The following ALG14 variants were observed in gnomAD, a reference collection of about 807,000 sequenced individuals.
ALG14 encodes ALG14 UDP-N-acetylglucosaminyltransferase subunit, also known as UDP-N-acetylglucosamine transferase subunit ALG14.
ALG14 carries 17 observed loss-of-function variants against 22.8 expected under a neutral mutation model. That is an observed-to-expected ratio of 0.75 (90% CI 0.51 to 1.12). The LOEUF (loss-of-function observed/expected upper bound fraction) is 1.12. Ranked by LOEUF, ALG14 falls within the 50% of genes most tolerant of loss-of-function variation. The pLI is 0.00. For synonymous variants in ALG14, 89 were observed against 103.7 expected (o/e 0.86, Z 0.86); for missense variants, 288 against 271.8 (o/e 1.06, Z -0.42).
At chr1:95,021,397 T>C (rs1038526071) in intron 3 of ALG14, among the ~76,000 whole-genome samples, 1 of 152,204 alleles carries the variant, frequency 6.6e-6, no homozygotes, top group Non-Finnish European at 1.5e-5. Context: ...CTACTGACTC[T>C]AGTTACACAA....
intron 2 of ALG14, among the ~76,000 whole-genome samples, chr1:95,033,973 G>A (rs75008833): frequency 1.7e-3 from 254 of 152,286 alleles, no homozygotes; most frequent in African/African-American, 5.9e-3. Context: ...CCTTACAGTT[G>A]CTCCCAAGGT....
In ALG14 at chr1:95,027,192, AAC is replaced by A. The variant is rs1292459334; in HGVS notation, c.355_356del (p.Val119PhefsTer25). ...REVQQSWPST[V>X]FTTLHSMWLS... is the part of the protein sequence containing the mutation. The stretch of plus-strand genomic sequence containing the variant: ...GCCACATGGAGTGCAAGGTGGTGAA[AAC>A]GGTGGAGGGCCAGGACTGCTGAACC... On this transcript the variant is annotated frameshift_variant, in exon 3 of 4. Transcript: ENST00000370205. LOFTEE classifies it high-confidence loss of function. 1 of 1,614,136 alleles carries A rather than the reference AAC, an allele frequency of 6.2e-7. No homozygotes were observed.
intron 2 of ALG14, among the ~76,000 whole-genome samples, chr1:95,058,284 GAAAAAAAAAAAAAAA>G (rs56748968): frequency 2.9e-4 from 6 of 20,514 alleles, no homozygotes; most frequent in East Asian, 1.8e-3. Context: ...GACTCCATCT[GAAAAAAAAAAAAAAA>G]AAAAAAAAAA....
chr1:95,029,517 T>G (rs1673932076), intron 2 of ALG14, among the ~76,000 whole-genome samples: 1 of 152,226 alleles, frequency 6.6e-6, no homozygotes, highest in African/African-American at 2.4e-5. Flanking sequence ...GGAGCCTGGC[T>G]ACCACACAGT....
chr1:95,052,583 C>T (rs867292961), intron 2 of ALG14, among the ~76,000 whole-genome samples: 12 of 152,184 alleles, frequency 7.9e-5, no homozygotes, highest in Admixed American at 2.0e-4. Flanking sequence ...AGGGGCCAGG[C>T]GCAGTGGCTC....
intron 2 of ALG14, among the ~76,000 whole-genome samples, chr1:95,050,409 C>T (rs928479484): frequency 6.6e-6 from 1 of 152,088 alleles, no homozygotes; most frequent in Non-Finnish European, 1.5e-5. Context: ...GCAGAATAGG[C>T]ATCCACACCA....
Position 95,056,786 on chromosome 1 carries a change from T to C in ALG14, c.288+8080A>G, listed in dbSNP as rs1242910957. 4.0e-5 allele frequency among the ~76,000 whole-genome samples: 6 copies of C among 151,746 alleles called. 1 individual carries two copies. The East Asian group carries it at 9.9e-4, about 25-fold the overall frequency. On this transcript the variant is annotated intron_variant, in intron 2 of 3. Transcript: ENST00000370205. ...AAAATCTAAAACTTCTGGCTGGGCG[T>C]GGTGGCTCACGCCTGTAATCCCAGC...
At chr1:94,983,341 A>G (rs369188111) in intron 3 of ALG14, 35 bp from the exon 4 acceptor site, 2,007 of 1,571,180 alleles carry the variant, frequency 1.3e-3, no homozygotes, top group Non-Finnish European at 1.7e-3. Flanking sequence ...ATGAAAATAC[A>G]GAATAATAAT....
intron 2 of ALG14, among the ~76,000 whole-genome samples, chr1:95,051,794 T>C (rs1316142629): frequency 6.6e-6 from 1 of 152,166 alleles, no homozygotes; most frequent in Non-Finnish European, 1.5e-5. Flanking sequence ...TGGCTTAACA[T>C]CTCACCTCCT....
At position 94,980,327 on chromosome 1, in the gene ALG14, A is replaced by G; in HGVS notation, c.*2749T>C. On this transcript the variant is annotated 3_prime_UTR_variant, in exon 4 of 4. Coordinates refer to ENST00000370205, the MANE Select transcript of ALG14 (RefSeq NM_144988.4). ...ATGATTTTTGGGCATCCTTTTTGAA[A>G]CAGTTAGACATTCTGACCTGGCAAG... 1 of 150,720 alleles carries G rather than the reference A, an allele frequency of 6.6e-6. No individual in the cohort carries two copies. Among genetic ancestry groups the G allele is most frequent in the African/African-American group, 2.4e-5 (1 of 41,152 alleles). 9.3% of individuals were successfully genotyped at this position (150,720 alleles called of 1,614,324 possible). A position where few individuals can be genotyped will look rare whatever the true frequency, so the allele number is the denominator to read the frequency against.
rs552607058 is a variant in ALG14 at position 95,001,309 on chromosome 1, C to T, written c.421-18003G>A. On this transcript the variant is annotated intron_variant, in intron 3 of 3. Transcript: ENST00000370205. ...ACTTTTTAAATTCTTTTCAGCTTGT[C>T]GGTTGTCAACATGTGACCATGCTCT... Among the ~76,000 whole-genome samples, 19 of 152,140 alleles carry T rather than the reference C, an allele frequency of 1.2e-4. No homozygotes were observed. In the South Asian group the frequency reaches 3.3e-3, roughly 27 times the overall value.
Position 95,027,160 on chromosome 1 carries a change from A to G in ALG14, c.389T>C (p.Phe130Ser), listed in dbSNP as rs150452802. Residue 130 changes from phenylalanine to serine, a missense_variant, in exon 3 of 4, where the codon TTT becomes TCT. By Grantham distance (155) the Phe-to-Ser change is radical. Coordinates refer to ENST00000370205, the MANE Select transcript of ALG14 (RefSeq NM_144988.4). ...FTTLHSMWLS[F>S]PLIHRVKPDL... ...TGGCTTCACCCTGTGAATTAGGGGAAAGGAGAGCCACATGGAGTGCAAGGT... is the reference window on the plus strand; with the variant it reads ...TGGCTTCACCCTGTGAATTAGGGGAGAGGAGAGCCACATGGAGTGCAAGGT... The G allele has an allele frequency of 6.2e-7, 1 of 1,614,128 alleles. No homozygotes were observed.
chr1:94,996,254 T>C (rs528608540), intron 3 of ALG14, among the ~76,000 whole-genome samples: 1 of 152,326 alleles, frequency 6.6e-6, no homozygotes, highest in East Asian at 1.9e-4. Flanking sequence ...TCTCAGGTGA[T>C]TCTGGTGCAC....
Position 94,976,033 on chromosome 1 carries a change from A to AG in ALG14, c.*7042_*7043insC, listed in dbSNP as rs1672391924. 6.6e-6 allele frequency: 1 copy of AG among 151,482 alleles called. No homozygotes were observed. Among genetic ancestry groups the AG allele is most frequent in the African/African-American group, 2.4e-5 (1 of 41,064 alleles). 9.4% of individuals were successfully genotyped at this position (151,482 alleles called of 1,614,324 possible). On this transcript the variant is annotated 3_prime_UTR_variant, in exon 4 of 4. Coordinates refer to ENST00000370205, the MANE Select transcript of ALG14 (RefSeq NM_144988.4). ...CTCTGTCTCAAAAAAAAAAAAAAAA[A>AG]AAAAAAAGAAAGAAGAGCCTCCTTA...
chr1:94,985,715 G>T (rs568484484), intron 3 of ALG14, among the ~76,000 whole-genome samples: 149 of 152,288 alleles, frequency 9.8e-4, no homozygotes, highest in Non-Finnish European at 1.7e-3. Context: ...GAAGGGAAAT[G>T]ACTGGCATTG....
chr1:95,068,453 A>AT (rs753121893), intron 1 of ALG14, among the ~76,000 whole-genome samples: 46 of 151,916 alleles, frequency 3.0e-4, no homozygotes, highest in Non-Finnish European at 6.2e-4. Context: ...TGCCCAGCTA[A>AT]TTTTTTTGTA....
chr1:95,060,568 T>C (rs1404195102), intron 2 of ALG14, among the ~76,000 whole-genome samples: 1 of 138,890 alleles, frequency 7.2e-6, no homozygotes, highest in Admixed American at 7.2e-5. Context: ...AAAAAAAAAA[T>C]AGCCAGACAT....
intron 2 of ALG14, among the ~76,000 whole-genome samples, chr1:95,050,903 T>C (rs991327946): frequency 6.7e-6 from 1 of 149,346 alleles, no homozygotes; most frequent in Non-Finnish European, 1.5e-5. Context: ...TCTCACTGTG[T>C]CACCCAGGCT....
chr1:95,027,238 C>A lies in ALG14; in HGVS notation c.311G>T (p.Arg104Leu), dbSNP rs201781289. ...SNMYTKYYIH[R>L]IPRSREVQQS... ...CTGAACCTCCCGGCTTCTTGGAATT[C>A]GGTGAATGTAGTATTTGGTATACTA... The change falls in exon 3 of 4, where the codon CGA becomes CTA. Residue 104 changes from arginine to leucine, a missense_variant. Physicochemically the swap from Arg to Leu is moderately radical, Grantham distance 102. Transcript: ENST00000370205. 1 of 1,613,920 alleles carries A rather than the reference C, an allele frequency of 6.2e-7. No homozygotes were observed. The highest frequency in any genetic ancestry group is 1.3e-5 in the African/African-American group (1 of 74,876).
Sources: gnomAD v4.1 joint callset for allele counts (sites outside exome capture counted in the v4.1 genomes callset) on GRCh38, gnomAD v4.1.1 for gene constraint, MANE v1.5 for transcripts, NCBI Gene and HGNC (gene_info 2026-07-23, HGNC 2026-07-21) for gene names.